The following PGAM1 variants were observed in gnomAD, a reference collection of about 807,000 sequenced individuals.
The protein encoded by PGAM1 is BPG-dependent PGAM 1.
Under a neutral mutation model 23.5 loss-of-function variants are expected in PGAM1, and 21 were observed. That is an observed-to-expected ratio of 0.89 (90% CI 0.63 to 1.29). The LOEUF is 1.29. Ranked by LOEUF, PGAM1 falls within the 50% of genes most tolerant of loss-of-function variation. The pLI is 0.00. For synonymous variants in PGAM1, 109 were observed against 128.6 expected (o/e 0.85, Z 1.03); for missense variants, 232 against 336.3 (o/e 0.69, Z 2.42).
chr10:97,430,610 C>G lies in PGAM1; in HGVS notation c.371C>G (p.Pro124Arg), dbSNP rs1281476296. 6.2e-7 allele frequency: 1 copy of G among 1,602,560 alleles called. No individual in the cohort carries two copies. The highest frequency in any genetic ancestry group is 8.5e-7 in the Non-Finnish European group (1 of 1,179,974). The change falls in exon 2 of 4, where the codon CCT becomes CGT. Residue 124 changes from proline (P) to arginine (R), a missense_variant. Around this residue, in one of 3 missense-constraint regions of PGAM1, gnomAD observed 191 missense variants for 241.7 expected, o/e 0.79. Coordinates refer to ENST00000334828, the MANE Select transcript of PGAM1 (RefSeq NM_002629.4). ...IWRRSYDVPP[P>R]PMEPDHPFYS... ...AGGCGCTCCTATGATGTCCCACCAC[C>G]TCCGATGGAGCCCGACCATCCTTTC...
chr10:97,431,239 A>C, intron 3 of PGAM1, 104 bp downstream of exon 3: 1 of 1,322,396 alleles, frequency 7.6e-7, no homozygotes, highest in Non-Finnish European at 1.1e-6. Context: ...GGACATGTTA[A>C]CAGCTTTAGA....
chr10:97,427,027 T>C (rs968388177), intron 1 of PGAM1: 1 of 152,936 alleles, frequency 6.5e-6, no homozygotes, highest in Admixed American at 6.5e-5. Context: ...AGAGCGAAAC[T>C]CTGTCCAGAA....
At chr10:97,427,850 T>G in intron 1 of PGAM1, 1 of 1,289,410 alleles carries the variant, frequency 7.8e-7, no homozygotes. Context: ...GCACAGGTAT[T>G]TGGCCTCAGA....
At chr10:97,426,819 C>T (rs950010333) in intron 1 of PGAM1, among the ~76,000 whole-genome samples, 1 of 151,924 alleles carries the variant, frequency 6.6e-6, no homozygotes, top group Non-Finnish European at 1.5e-5. Flanking sequence ...GGATCACTTG[C>T]GGTCAGGATG....
At chr10:97,429,092 C>CCTTT (rs1491389285) in intron 1 of PGAM1, among the ~76,000 whole-genome samples, 33 of 84,762 alleles carry the variant, frequency 3.9e-4, no homozygotes, top group African/African-American at 1.8e-3. Flanking sequence ...AGACTGATTC[C>CCTTT]TTTTTTTTTT....
rs200403909 is a variant in PGAM1, at chr10:97,431,092, A to T, written c.552A>T (p.Ala184=). 27 of 1,614,232 alleles carry T rather than the reference A, an allele frequency of 1.7e-5. No individual in the cohort carries two copies. Among genetic ancestry groups the T allele is most frequent in the Non-Finnish European group, 2.0e-5 (24 of 1,180,044 alleles). ...AGGAGGGGAAACGTGTACTGATTGC[A>T]GCCCATGGCAACAGCCTCCGGGGCA... The part of the protein sequence containing the change: ...QIKEGKRVLI[A]AHGNSLRGIV... Residue 184 remains alanine, a synonymous_variant, in exon 3 of 4, where the codon GCA becomes GCT. Transcript: ENST00000334828.
Position 97,433,313 on chromosome 10 carries a change from G to A in PGAM1, c.*789G>A, listed in dbSNP as rs949931934. 1 of 151,658 alleles carries A rather than the reference G, an allele frequency of 6.6e-6. No individual in the cohort carries two copies. The highest frequency in any genetic ancestry group is 2.4e-5 in the African/African-American group (1 of 41,114). The allele number at this position is 151,658 out of a possible 1,614,324, so 9.4% of individuals were successfully genotyped here. On this transcript the variant is annotated 3_prime_UTR_variant, in exon 4 of 4. Transcript: ENST00000334828. The stretch of plus-strand genomic sequence containing the variant: ...AAATGCCTCTTGGTCCTGTCCAAGT[G>A]TATCTTTCACTGATTTCTGAATCAT...
intron 1 of PGAM1, among the ~76,000 whole-genome samples, chr10:97,429,422 C>G (rs1845445335): frequency 6.6e-6 from 1 of 152,152 alleles, no homozygotes; most frequent in Non-Finnish European, 1.5e-5. Context: ...TTTCTTGGAA[C>G]CTATTCATTG....
At chr10:97,427,992 G>C in intron 1 of PGAM1, 1 of 1,210,500 alleles carries the variant, frequency 8.3e-7, no homozygotes, top group Admixed American at 2.3e-5. Context: ...GGCCTGGTGT[G>C]ACCTCATCTT....
At chr10:97,427,481 A>G (rs1264294887) in intron 1 of PGAM1, 4 of 1,025,350 alleles carry the variant, frequency 3.9e-6, no homozygotes, top group Non-Finnish European at 4.7e-6. Flanking sequence ...ATAGTTGGGA[A>G]AAGTGAGTAT....
chr10:97,426,844 T>A (rs1279289512), intron 1 of PGAM1, among the ~76,000 whole-genome samples: 2 of 151,918 alleles, frequency 1.3e-5, no homozygotes, highest in Admixed American at 6.5e-5. Context: ...AGACCAGCCT[T>A]ATCAACGTGG....
chr10:97,426,533 GGCC>G, intron 1 of PGAM1, 87 bp downstream of exon 1: 1 of 1,443,662 alleles, frequency 6.9e-7, no homozygotes, highest in Non-Finnish European at 9.2e-7. Context: ...TCTCGGAGAG[GGCC>G]GGCACCTTGG....
chr10:97,432,773 C>T lies in PGAM1; in HGVS notation c.*249C>T. On this transcript the variant is annotated 3_prime_UTR_variant, in exon 4 of 4. Coordinates refer to ENST00000334828, the MANE Select transcript of PGAM1 (RefSeq NM_002629.4). ...CAGTCTAAGCTATGGAAAAGCTCCC[C>T]TTATCCAACAGAGTTTAAAAGTAGT... is the stretch of plus-strand genomic sequence containing the variant. The T allele has an allele frequency of 2.5e-6, 1 of 403,512 alleles. No homozygotes were observed. The highest frequency in any genetic ancestry group is 5.0e-5 in the East Asian group (1 of 20,114). The allele number at this position is 403,512 out of a possible 1,614,324, so 25.0% of individuals were successfully genotyped here. A position where few individuals can be genotyped will look rare whatever the true frequency, so the allele number is the denominator to read the frequency against.
chr10:97,427,181 C>G, intron 1 of PGAM1: 1 of 672,396 alleles, frequency 1.5e-6, no homozygotes, highest in Non-Finnish European at 1.8e-6. Context: ...CTTAAAGCAG[C>G]TGTAACCAAG....
In PGAM1 at chr10:97,430,528, G is replaced by A. The variant is rs370039242; in HGVS notation, c.289G>A (p.Gly97Ser). 1.9e-5 allele frequency: 30 copies of A among 1,600,906 alleles called. No individual in the cohort carries two copies. The highest frequency in any genetic ancestry group is 5.0e-5 in the Admixed American group (3 of 59,982). ...TGAGCGGCACTATGGGGGTCTAACC[G>A]GTCTCAATAAAGCAGAAACTGCTGC... Reference protein sequence around the residue: ...LNERHYGGLTGLNKAETAAKH... With the variant: ...LNERHYGGLTSLNKAETAAKH... The change falls in exon 2 of 4, where the codon GGT (glycine) becomes AGT (serine). Residue 97 changes from glycine to serine, a missense_variant. This residue lies in a region of PGAM1 where 191 missense variants were observed against 241.7 expected (regional missense o/e 0.79). Transcript: ENST00000334828.
At chr10:97,427,946 CGGGGT>C in intron 1 of PGAM1, 7 of 588,862 alleles carry the variant, frequency 1.2e-5, no homozygotes, top group Non-Finnish European at 2.0e-5. Context: ...TAAACCTCTG[CGGGGT>C]GGGGTGGGCA....
At position 97,430,559 on chromosome 10, in the gene PGAM1, A is replaced by G; in HGVS notation, c.320A>G (p.His107Arg). Residue 107 changes from histidine (H) to arginine (R), a missense_variant, in exon 2 of 4, where the codon CAT becomes CGT. Coordinates refer to ENST00000334828, the MANE Select transcript of PGAM1 (RefSeq NM_002629.4). The stretch of plus-strand genomic sequence containing the variant: ...AATAAAGCAGAAACTGCTGCAAAGC[A>G]TGGTGAGGCCCAGGTGAAGATCTGG... ...GLNKAETAAK[H>R]GEAQVKIWRR... is the part of the protein sequence containing the mutation. 2 of 1,601,054 alleles carry G rather than the reference A, an allele frequency of 1.2e-6. No individual in the cohort carries two copies. The highest frequency in any genetic ancestry group is 2.2e-5 in the South Asian group (2 of 91,082).
chr10:97,430,254 C>T, intron 1 of PGAM1, 125 bp from the exon 2 acceptor site: 1 of 1,180,292 alleles, frequency 8.5e-7, no homozygotes, highest in Non-Finnish European at 1.3e-6. Flanking sequence ...AAACAGTTGG[C>T]CAAATATTTT....
In PGAM1 at chr10:97,432,539, G is replaced by A; in HGVS notation, c.*15G>A. On this transcript the variant is annotated 3_prime_UTR_variant, in exon 4 of 4. Transcript: ENST00000334828. Reference sequence around the variant, plus strand: ...CCAAGAAGTGAAGGCCGGCGGGGAGGATACTGTCCCCAGGAGCACCCTCCC... The same window carrying A: ...CCAAGAAGTGAAGGCCGGCGGGGAGAATACTGTCCCCAGGAGCACCCTCCC... 6.5e-7 allele frequency: 1 copy of A among 1,540,072 alleles called. No homozygotes were observed. Among genetic ancestry groups the A allele is most frequent in the Non-Finnish European group, 8.9e-7 (1 of 1,118,298 alleles).
Sources: gnomAD v4.1 joint callset for allele counts (sites outside exome capture counted in the v4.1 genomes callset) on GRCh38, gnomAD v4.1.1 for gene constraint, gnomAD v4.1.1 regional missense constraint, MANE v1.5 for transcripts, NCBI Gene and HGNC (gene_info 2026-07-23, HGNC 2026-07-21) for gene names.